Variants in ATXN1 observed in about 807,000 individuals in gnomAD.
ATXN1 encodes ataxin-1.
Under a neutral mutation model 56.4 loss-of-function variants are expected in ATXN1, and 8 were observed. That is an observed-to-expected ratio of 0.14 (90% confidence interval 0.08 to 0.26). ATXN1 has a LOEUF of 0.26. Among genes scored for constraint, ATXN1 ranks in the 10% least tolerant of loss-of-function variants. The probability of loss-of-function intolerance (pLI) is 1.00; values close to 1 mark genes in which losing one functional copy is unlikely to be tolerated. For synonymous variants in ATXN1, 514 were observed against 494.6 expected, an observed-to-expected ratio of 1.04 and a Z score of -0.52; for missense variants, 987 against 1,106.5, an observed-to-expected ratio of 0.89 and a Z score of 1.53.
At chr6:16,557,163 A>G (rs1330046225) in intron 4 of ATXN1, among the ~76,000 whole-genome samples, 1 of 152,034 alleles carries the variant, frequency 6.6e-6, no homozygotes, top group Admixed American at 6.6e-5. Flanking sequence ...CGTCTCTACT[A>G]AAAATACAAA....
At chr6:16,371,716 A>ATTTATTTTTATT (rs199939933) in intron 6 of ATXN1, among the ~76,000 whole-genome samples, 3 of 151,360 alleles carry the variant, frequency 2.0e-5, no homozygotes, top group East Asian at 3.9e-4. Flanking sequence ...ATGCCTGGTT[A>ATTTATTTTTATT]TTTATTTTTA....
At chr6:16,391,161 CAA>C (rs35472967) in intron 6 of ATXN1, among the ~76,000 whole-genome samples, 1,564 of 56,254 alleles carry the variant, frequency 0.028, 6 homozygotes, top group African/African-American at 0.045. Flanking sequence ...GACTCCATCT[CAA>C]AAAAAAAAAA....
intron 3 of ATXN1, among the ~76,000 whole-genome samples, chr6:16,656,770 T>C: frequency 6.6e-6 from 1 of 152,138 alleles, no homozygotes; most frequent in East Asian, 1.9e-4. Flanking sequence ...TTTGTCACTG[T>C]GCAACATCAC....
chr6:16,344,728 T>C (rs762141289), intron 6 of ATXN1, among the ~76,000 whole-genome samples: 1 of 152,230 alleles, frequency 6.6e-6, no homozygotes, highest in Non-Finnish European at 1.5e-5. Flanking sequence ...GCTCCTCAGC[T>C]TGCAGGTGGC....
chr6:16,526,107 T>C (rs923051805), intron 4 of ATXN1, among the ~76,000 whole-genome samples: 2 of 148,848 alleles, frequency 1.3e-5, no homozygotes, highest in Non-Finnish European at 3.0e-5. Context: ...ATAGTATTCA[T>C]AGTATTTTGC....
intron 2 of ATXN1, among the ~76,000 whole-genome samples, chr6:16,746,739 A>G (rs1484537014): frequency 6.6e-6 from 1 of 152,358 alleles, no homozygotes; most frequent in Non-Finnish European, 1.5e-5. Context: ...AAATAATGAC[A>G]TAATAATAGC....
chr6:16,349,719 A>G (rs1761528531), intron 6 of ATXN1, among the ~76,000 whole-genome samples: 1 of 152,144 alleles, frequency 6.6e-6, no homozygotes, highest in Admixed American at 6.5e-5. Flanking sequence ...TCTTTTAGAA[A>G]ATACTCCACA....
chr6:16,727,875 C>G (rs942885290), intron 2 of ATXN1, among the ~76,000 whole-genome samples: 1 of 152,194 alleles, frequency 6.6e-6, no homozygotes, highest in African/African-American at 2.4e-5. Context: ...AGCCGAGATG[C>G]CAGTGGGCAC....
intron 6 of ATXN1, among the ~76,000 whole-genome samples, chr6:16,381,641 C>T (rs1423584448): frequency 6.6e-6 from 1 of 152,236 alleles, no homozygotes; most frequent in African/African-American, 2.4e-5. Flanking sequence ...ACATTCACTT[C>T]CTCTTCACAT....
At chr6:16,423,679 G>A (rs145492536) in intron 6 of ATXN1, among the ~76,000 whole-genome samples, 14 of 152,234 alleles carry the variant, frequency 9.2e-5, no homozygotes, top group African/African-American at 2.2e-4. Context: ...GATTAACCTC[G>A]GGAGGACAGA....
intron 7 of ATXN1, among the ~76,000 whole-genome samples, chr6:16,320,370 G>A (rs1003230304): frequency 1.3e-5 from 2 of 152,136 alleles, no homozygotes; most frequent in Admixed American, 1.3e-4. Context: ...TGAATATTAA[G>A]CAGCCACCGA....
chr6:16,608,946 G>A (rs572414358), intron 3 of ATXN1, among the ~76,000 whole-genome samples: 27 of 152,144 alleles, frequency 1.8e-4, no homozygotes, highest in Non-Finnish European at 3.2e-4. Context: ...TTTAGAGCAC[G>A]TCATCAATCT....
chr6:16,577,175 C>G (rs551776952), intron 4 of ATXN1, among the ~76,000 whole-genome samples: 93 of 152,288 alleles, frequency 6.1e-4, no homozygotes, highest in Middle Eastern at 6.8e-3. Context: ...AGATAGCAGT[C>G]TTCTGCTTTA....
chr6:16,434,943 G>A (rs971463100), intron 6 of ATXN1, among the ~76,000 whole-genome samples: 3 of 152,238 alleles, frequency 2.0e-5, no homozygotes, highest in African/African-American at 7.2e-5. Context: ...CTCCTAGAAA[G>A]AAGGTAGGTT....
intron 2 of ATXN1, among the ~76,000 whole-genome samples, chr6:16,713,343 A>G (rs868572684): frequency 3.3e-5 from 5 of 152,326 alleles, no homozygotes; most frequent in Middle Eastern, 3.4e-3. Context: ...AAATTAGCTT[A>G]CTCACTGAAT....
intron 2 of ATXN1, among the ~76,000 whole-genome samples, chr6:16,728,442 T>C (rs1279970428): frequency 6.6e-6 from 1 of 152,110 alleles, no homozygotes; most frequent in African/African-American, 2.4e-5. Flanking sequence ...ACAAACAGGA[T>C]ATGTATGGGC....
chr6:16,545,855 A>G (rs1294509425), intron 4 of ATXN1, among the ~76,000 whole-genome samples: 1 of 152,222 alleles, frequency 6.6e-6, no homozygotes, highest in Non-Finnish European at 1.5e-5. Flanking sequence ...ATTTATTTTA[A>G]AGTACTCTAA....
At chr6:16,324,477 A>AT (rs1438468923) in intron 7 of ATXN1, among the ~76,000 whole-genome samples, 3 of 152,048 alleles carry the variant, frequency 2.0e-5, no homozygotes, top group Non-Finnish European at 4.4e-5. Context: ...GCCCAAAACA[A>AT]TTCAAACCAT....
chr6:16,456,898 C>G (rs1281506445), intron 6 of ATXN1, among the ~76,000 whole-genome samples: 1 of 152,122 alleles, frequency 6.6e-6, no homozygotes, highest in Non-Finnish European at 1.5e-5. Flanking sequence ...TTTTAGGATC[C>G]CTCCTCAGAC....
Sources: gnomAD v4.1 joint callset for allele counts (sites outside exome capture counted in the v4.1 genomes callset) on GRCh38, gnomAD v4.1.1 for gene constraint, MANE v1.5 for transcripts, NCBI Gene and HGNC (gene_info 2026-07-23, HGNC 2026-07-21) for gene names.